The following RNASEH2B variants were observed in gnomAD, a reference collection of about 807,000 sequenced individuals.
RNASEH2B encodes the protein Aicardi-Goutieres syndrome 2 protein.
Under a neutral mutation model 45.0 loss-of-function variants are expected in RNASEH2B, and 36 were observed. That is an observed-to-expected ratio of 0.80 (90% CI 0.61 to 1.06). The LOEUF (loss-of-function observed/expected upper bound fraction) is 1.06. Ranked by LOEUF, RNASEH2B falls within the 50% of genes least tolerant of loss-of-function variation. The probability of loss-of-function intolerance (pLI) is 0.00; values close to 1 mark genes in which losing one functional copy is unlikely to be tolerated. For synonymous variants in RNASEH2B, 119 were observed against 125.7 expected, an observed-to-expected ratio of 0.95 and a Z score of 0.35; for missense variants, 361 against 360.3, an observed-to-expected ratio of 1.00 and a Z score of -0.02.
intron 1 of RNASEH2B, among the ~76,000 whole-genome samples, chr13:50,914,583 G>A (rs370011722): frequency 1.3e-5 from 2 of 152,098 alleles, no homozygotes; most frequent in Admixed American, 6.5e-5. Flanking sequence ...AATGTTTTTC[G>A]GTGGGACCCG....
At chr13:50,927,981 G>A (rs185310328) in intron 2 of RNASEH2B, among the ~76,000 whole-genome samples, 8 of 150,212 alleles carry the variant, frequency 5.3e-5, no homozygotes, top group East Asian at 1.9e-4. Flanking sequence ...TTTTTTCTCC[G>A]TCAGGGGACT....
At chr13:50,943,643 G>T (rs1330799650) in intron 6 of RNASEH2B, among the ~76,000 whole-genome samples, 2 of 152,136 alleles carry the variant, frequency 1.3e-5, no homozygotes, top group African/African-American at 4.8e-5. Flanking sequence ...TCCTACTACG[G>T]AATGAAATAA....
chr13:50,916,378 G>C (rs1331742169), intron 1 of RNASEH2B, among the ~76,000 whole-genome samples: 1 of 152,082 alleles, frequency 6.6e-6, no homozygotes, highest in East Asian at 1.9e-4. Context: ...ATAGAGGTAG[G>C]GGCTGTTTTT....
intron 1 of RNASEH2B, among the ~76,000 whole-genome samples, chr13:50,916,118 G>T (rs1023457871): frequency 6.6e-6 from 1 of 150,514 alleles, no homozygotes; most frequent in Admixed American, 6.6e-5. Context: ...AAAATAATTT[G>T]TCCATCATCC....
chr13:50,968,084 TA>T (rs1238193889), intron 9 of RNASEH2B, among the ~76,000 whole-genome samples: 4 of 152,216 alleles, frequency 2.6e-5, no homozygotes, highest in Non-Finnish European at 1.5e-5. Context: ...TGTTTCATAG[TA>T]TTTTTACAGT....
intron 7 of RNASEH2B, among the ~76,000 whole-genome samples, chr13:50,947,386 AGTGTGTGT>A (rs34501133): frequency 0.25 from 35,978 of 145,852 alleles, 4,629 homozygotes; most frequent in Non-Finnish European, 0.3. Flanking sequence ...TTAGTTTGGG[AGTGTGTGT>A]GTGTGTGTGT....
At chr13:50,931,870 A>G (rs1951685181) in intron 4 of RNASEH2B, among the ~76,000 whole-genome samples, 1 of 151,888 alleles carries the variant, frequency 6.6e-6, no homozygotes, top group Non-Finnish European at 1.5e-5. Context: ...CCAGTGTATG[A>G]TTTTGTAACA....
intron 1 of RNASEH2B, among the ~76,000 whole-genome samples, chr13:50,922,709 T>C (rs745589610): frequency 1.3e-5 from 2 of 152,228 alleles, no homozygotes; most frequent in African/African-American, 2.4e-5. Context: ...ATTTCCAGAA[T>C]TGCCACATTT....
chr13:50,930,788 T>C (rs1951671946), intron 4 of RNASEH2B, 29 bp downstream of exon 4: 3 of 1,519,780 alleles, frequency 2.0e-6, no homozygotes, highest in Admixed American at 1.7e-5. Context: ...GCATCCACAG[T>C]GAGGAAACAG....
At chr13:50,913,291 T>G (rs1372590335) in intron 1 of RNASEH2B, among the ~76,000 whole-genome samples, 1 of 152,180 alleles carries the variant, frequency 6.6e-6, no homozygotes, top group African/African-American at 2.4e-5. Context: ...TAAAAGTAAA[T>G]GTTTGAGTCA....
chr13:50,960,199 T>G (rs146205684), downstream of RNASEH2B: 29,793 of 961,778 alleles, frequency 0.031, 514 homozygotes, highest in Non-Finnish European at 0.035. Context: ...TATATATTTA[T>G]CTTTTAAATA....
chr13:50,949,582 C>A, intron 9 of RNASEH2B, 77 bp downstream of exon 9: 2 of 1,338,290 alleles, frequency 1.5e-6, no homozygotes, highest in South Asian at 1.2e-5. Flanking sequence ...TTAGTTGGTT[C>A]TAATATATTT....
chr13:50,915,448 A>G (rs1046401878), intron 1 of RNASEH2B: 2 of 398,478 alleles, frequency 5.0e-6, no homozygotes, highest in African/African-American at 2.1e-5. Flanking sequence ...AAGCCTTCCC[A>G]TGGGTCTCTC....
chr13:50,913,625 A>G (rs565927404), intron 1 of RNASEH2B, among the ~76,000 whole-genome samples: 1 of 152,252 alleles, frequency 6.6e-6, no homozygotes, highest in East Asian at 1.9e-4. Flanking sequence ...CTCAACTCGA[A>G]TTTTCAGTTA....
intron 8 of RNASEH2B, chr13:50,948,516 G>A (rs956828479): frequency 7.6e-5 from 12 of 158,766 alleles, no homozygotes; most frequent in Admixed American, 6.1e-4. Flanking sequence ...GGAAGTCAAA[G>A]TAATATGAAA....
intron 3 of RNASEH2B, among the ~76,000 whole-genome samples, chr13:50,930,436 GATCA>G (rs1951662937): frequency 1.3e-5 from 2 of 152,160 alleles, no homozygotes; most frequent in African/African-American, 4.8e-5. Context: ...GAAAGTTAAA[GATCA>G]ATTTCAGGGT....
rs1047859776 is a variant in RNASEH2B at position 50,910,070 on chromosome 13, G to A, written c.-7G>A. On this transcript the variant is annotated 5_prime_UTR_variant, in exon 1 of 11. Coordinates refer to ENST00000336617, the MANE Select transcript of RNASEH2B (RefSeq NM_024570.4). The stretch of plus-strand genomic sequence containing the variant: ...GAGCCTGCGGCGCCCCGGAAGAGGC[G>A]GGCGGCATGGCCGCTGGCGTGGACT... 3 of 1,462,476 alleles carry A rather than the reference G, an allele frequency of 2.1e-6. No homozygotes were observed. Among genetic ancestry groups the A allele is most frequent in the Non-Finnish European group, 2.7e-6 (3 of 1,111,960 alleles). The allele number at this position is 1,462,476 out of a possible 1,614,324, so 90.6% of individuals were successfully genotyped here. A position where few individuals can be genotyped will look rare whatever the true frequency, so the allele number is the denominator to read the frequency against.
intron 1 of RNASEH2B, among the ~76,000 whole-genome samples, chr13:50,921,915 C>T (rs1297957308): frequency 6.6e-6 from 1 of 152,168 alleles, no homozygotes; most frequent in Non-Finnish European, 1.5e-5. Flanking sequence ...CCTTGAAAAC[C>T]AGCAGTCTTG....
chr13:50,918,370 G>A (rs923362481), intron 1 of RNASEH2B, among the ~76,000 whole-genome samples: 2 of 152,074 alleles, frequency 1.3e-5, no homozygotes, highest in African/African-American at 2.4e-5. Flanking sequence ...ATCTCCTGAC[G>A]TCGTGATCCG....
Sources: allele counts gnomAD v4.1 joint callset (sites outside exome capture counted in the v4.1 genomes callset), GRCh38; gene constraint gnomAD v4.1.1; transcripts MANE v1.5; gene names NCBI Gene and HGNC (gene_info 2026-07-23, HGNC 2026-07-21).